The following ABR variants were observed in gnomAD, a reference collection of about 807,000 sequenced individuals.
The protein encoded by ABR is active breakpoint cluster region-related protein.
In ABR, 35 loss-of-function variants were observed where a neutral mutation model predicts 107.2. The observed-to-expected ratio is 0.33, with a 90% CI of 0.25 to 0.43. The LOEUF is 0.43. Ranked by LOEUF, ABR falls within the 20% of genes least tolerant of loss-of-function variation. ABR has a pLI of 1.00. For missense variants in ABR, 815 were observed against 1,115.2 expected (o/e 0.73, Z 3.83); for synonymous variants, 498 against 462.0 (o/e 1.08, Z -1.00).
chr17:1,227,642 A>ATT (rs113934293), intron 1 of ABR, among the ~76,000 whole-genome samples: 2 of 151,856 alleles, frequency 1.3e-5, no homozygotes, highest in African/African-American at 4.8e-5. Flanking sequence ...AGCATCAATG[A>ATT]TTTTTTTTCC....
At chr17:1,153,808 A>G (rs72631495) in intron 1 of ABR, 8,650 of 77,012 alleles carry the variant, frequency 0.11, 1,229 homozygotes, top group East Asian at 0.31. Flanking sequence ...AGGCACACCT[A>G]CGGGAGGGCT....
chr17:1,068,459 A>G (rs1409842729), intron 9 of ABR, among the ~76,000 whole-genome samples: 1 of 152,030 alleles, frequency 6.6e-6, no homozygotes, highest in East Asian at 1.9e-4. Context: ...GGCACAGCCA[A>G]CCAGGGAGGG....
At chr17:1,040,787 G>C (rs902151682) in intron 16 of ABR, among the ~76,000 whole-genome samples, 11 of 152,194 alleles carry the variant, frequency 7.2e-5, no homozygotes, top group African/African-American at 2.7e-4. Flanking sequence ...TGACAGGTCA[G>C]GAAGCTGAGG....
intron 2 of ABR, among the ~76,000 whole-genome samples, chr17:1,112,666 C>A (rs2038747629): frequency 8.0e-6 from 1 of 125,718 alleles, no homozygotes; most frequent in South Asian, 2.5e-4. Flanking sequence ...GCGCTGCTTG[C>A]TAGAGGACAG....
chr17:1,091,691 T>A lies in ABR; in HGVS notation c.505A>T (p.Thr169Ser). The change falls in exon 4 of 23, where the codon ACC (threonine) becomes TCC (serine). Residue 169 changes from threonine (T) to serine (S), a missense_variant. Thr to Ser is a moderately conservative substitution (Grantham distance 58). Around this residue, in one of 5 missense-constraint regions of ABR, gnomAD observed 385 missense variants for 596.9 expected, o/e 0.64. Transcript: ENST00000302538. ...PKVQQWDSQV[T>S]MGHLFQKLAS... ...AGCTTCTGGAAGAGGTGGCCCATGG[T>A]GACCTGGCTGTCCCACTGTTGCACC... The A allele has an allele frequency of 6.2e-7, 1 of 1,614,020 alleles. No individual in the cohort carries two copies. The highest frequency in any genetic ancestry group is 8.5e-7 in the Non-Finnish European group (1 of 1,179,910).
intron 10 of ABR, among the ~76,000 whole-genome samples, chr17:1,066,591 T>C (rs1597646850): frequency 1.3e-5 from 2 of 152,058 alleles, no homozygotes; most frequent in African/African-American, 4.8e-5. Context: ...TGCATTGGCA[T>C]GTTCTTGGCT....
intron 14 of ABR, among the ~76,000 whole-genome samples, chr17:1,052,434 T>C (rs376379574): frequency 2.5e-3 from 39 of 15,828 alleles, no homozygotes; most frequent in African/African-American, 9.5e-3. Flanking sequence ...TGGGGGAGGG[T>C]TCACAGGGTC....
intron 3 of ABR, among the ~76,000 whole-genome samples, chr17:1,095,256 TC>T (rs1370997562): frequency 2.0e-5 from 3 of 151,812 alleles, no homozygotes; most frequent in Non-Finnish European, 4.4e-5. Context: ...CTCCTCAACT[TC>T]CCACCCCGTC....
intron 1 of ABR, among the ~76,000 whole-genome samples, chr17:1,167,494 G>A (rs1327967549): frequency 1.3e-5 from 2 of 152,160 alleles, no homozygotes; most frequent in East Asian, 1.9e-4. Context: ...CTGGTCCCCC[G>A]AGCGGAGGGA....
Position 1,037,565 on chromosome 17 carries a change from C to T in ABR, c.1791+12485G>A, listed in dbSNP as rs1357681641. On this transcript the variant is annotated intron_variant, in intron 16 of 22. Transcript: ENST00000302538. This position sits in a 1 kb window ranked among gnomAD's most constrained non-coding sequence, Gnocchi z 4.6. ...GAGCCTTTGGGAACATCTTGCTTAT[C>T]TAGAACAAAACTCACCCAGGGACAG... Among the ~76,000 whole-genome samples, 1 of 152,218 alleles carries T rather than the reference C, an allele frequency of 6.6e-6. No homozygotes were observed. The highest frequency in any genetic ancestry group is 1.5e-5 in the Non-Finnish European group (1 of 68,034).
intron 4 of ABR, among the ~76,000 whole-genome samples, chr17:1,088,091 C>A (rs2036747752): frequency 6.6e-6 from 1 of 152,004 alleles, no homozygotes; most frequent in African/African-American, 2.4e-5. Context: ...CCCGGCTCCC[C>A]CCGGGCCCTC....
intron 1 of ABR, among the ~76,000 whole-genome samples, chr17:1,199,302 G>A (rs2042628691): frequency 6.6e-6 from 1 of 151,032 alleles, no homozygotes; most frequent in Non-Finnish European, 1.5e-5. Flanking sequence ...CAGAAGCCAC[G>A]CTGCAATTAA....
intron 2 of ABR, among the ~76,000 whole-genome samples, chr17:1,115,866 G>T (rs545159166): frequency 3.9e-5 from 6 of 152,012 alleles, no homozygotes; most frequent in Non-Finnish European, 8.8e-5. Flanking sequence ...GGCGGAAGCT[G>T]CAGTGAGCCG....
At chr17:1,047,633 G>A (rs35564556) in intron 16 of ABR, among the ~76,000 whole-genome samples, 28,144 of 152,216 alleles carry the variant, frequency 0.18, 3,140 homozygotes, top group Middle Eastern at 0.29. Context: ...GAAGGTTTAT[G>A]TTTCTTTTAA....
At chr17:1,097,978 A>C (rs892460325) in intron 3 of ABR, among the ~76,000 whole-genome samples, 2 of 152,200 alleles carry the variant, frequency 1.3e-5, no homozygotes, top group African/African-American at 4.8e-5. Context: ...CCCCATGGAA[A>C]GAGAGAGAAA....
At chr17:1,013,963 G>A (rs2070893675) in intron 16 of ABR, among the ~76,000 whole-genome samples, 1 of 152,224 alleles carries the variant, frequency 6.6e-6, no homozygotes, top group African/African-American at 2.4e-5. Context: ...GAGCAACTGT[G>A]CGCTCCCTGG....
chr17:1,088,036 A>G (rs113445736), intron 4 of ABR, among the ~76,000 whole-genome samples: 1,776 of 152,316 alleles, frequency 0.012, 15 homozygotes, highest in Middle Eastern at 0.024. Flanking sequence ...TCAAATACCC[A>G]GAGTCTTCGG....
At chr17:1,193,275 C>A (rs1002022817) in intron 1 of ABR, among the ~76,000 whole-genome samples, 4 of 151,078 alleles carry the variant, frequency 2.6e-5, no homozygotes, top group Admixed American at 6.6e-5. Flanking sequence ...ACACCCCCTC[C>A]CCCTCAATAC....
At position 1,047,799 on chromosome 17, in the gene ABR, T is replaced by C. The variant is rs78251484; in HGVS notation, c.1791+2251A>G. Among the ~76,000 whole-genome samples the C allele has an allele frequency of 1.2e-3, 185 of 152,120 alleles. No individual in the cohort carries two copies. In the East Asian group the frequency reaches 0.019, roughly 16 times the overall value. Reference sequence around the variant, plus strand: ...TCTCCAAGAGGCTTGCAGTGACTGATGGTGTGTTTCCCCCGGGGCTTGTGC... The same window carrying C: ...TCTCCAAGAGGCTTGCAGTGACTGACGGTGTGTTTCCCCCGGGGCTTGTGC... On this transcript the variant is annotated intron_variant, in intron 16 of 22. Coordinates refer to ENST00000302538, the MANE Select transcript of ABR (RefSeq NM_021962.5).
Sources: allele counts gnomAD v4.1 joint callset (sites outside exome capture counted in the v4.1 genomes callset), GRCh38; gene constraint gnomAD v4.1.1; regional missense constraint gnomAD v4.1.1; non-coding constraint Gnocchi (gnomAD v3.1); transcripts MANE v1.5; gene names NCBI Gene and HGNC (gene_info 2026-07-23, HGNC 2026-07-21).